Variants in FOXB1 observed in about 807,000 individuals in gnomAD.
FOXB1 encodes the protein forkhead box B1.
Under a neutral mutation model 18.6 loss-of-function variants are expected in FOXB1, and 6 were observed. The ratio of observed to expected loss-of-function variants is 0.32; its 90% CI spans 0.18 to 0.64. The LOEUF (loss-of-function observed/expected upper bound fraction) is 0.64, where lower values mean the gene tolerates loss of function less well. Among genes scored for constraint, FOXB1 ranks in the 30% least tolerant of loss-of-function variants. FOXB1 has a pLI of 0.78. For missense variants in FOXB1, 419 were observed against 463.6 expected, an observed-to-expected ratio of 0.90 and a Z score of 0.88; for synonymous variants, 213 against 216.0, an observed-to-expected ratio of 0.99 and a Z score of 0.12.
chr15:60,004,534 A>G lies in FOXB1; in HGVS notation c.-167A>G, dbSNP rs1019758772. On this transcript the variant is annotated 5_prime_UTR_variant, in exon 1 of 2. Coordinates refer to ENST00000396057, the MANE Select transcript of FOXB1 (RefSeq NM_012182.3). ...AGAGCCCAGGTTCGCGCCGAGTCCA[A>G]CCGGACCCGGACGCTGCGCGCGGAG... The G allele has an allele frequency of 6.3e-6, 1 of 159,568 alleles. No homozygotes were observed. The highest frequency in any genetic ancestry group is 2.4e-5 in the African/African-American group (1 of 41,422). 9.9% of individuals were successfully genotyped at this position (159,568 alleles called of 1,614,324 possible). A position where few individuals can be genotyped will look rare whatever the true frequency, so the allele number is the denominator to read the frequency against.
chr15:60,005,100 G>T lies in FOXB1; in HGVS notation c.137G>T (p.Arg46Leu), dbSNP rs746904498. ...LSEIYKFIMD[R>L]FPYYRENTQR... ...GAGATCTACAAGTTCATCATGGACC[G>T]CTTCCCCTACTACAGGGAGAACACG... is the stretch of plus-strand genomic sequence containing the variant. The change falls in exon 2 of 2, where the codon CGC (arginine) becomes CTC (leucine). Residue 46 changes from arginine to leucine, a missense_variant. By Grantham distance (102) the Arg-to-Leu change is moderately radical. Transcript: ENST00000396057. The surrounding 1 kb of genome is among the most constrained non-coding windows in gnomAD (Gnocchi z 9.8). 3.1e-6 allele frequency: 5 copies of T among 1,614,140 alleles called. No homozygotes were observed. In the South Asian group the frequency reaches 5.5e-5, roughly 18 times the overall value.
In FOXB1 at chr15:60,006,241, G is replaced by A. The variant is rs1380346608; in HGVS notation, c.*300G>A. The A allele has an allele frequency of 6.9e-6, 3 of 435,650 alleles. No homozygotes were observed. Among genetic ancestry groups the A allele is most frequent in the Non-Finnish European group, 1.2e-5 (3 of 248,140 alleles). 27.0% of individuals were successfully genotyped at this position (435,650 alleles called of 1,614,324 possible). A position where few individuals can be genotyped will look rare whatever the true frequency, so the allele number is the denominator to read the frequency against. The stretch of plus-strand genomic sequence containing the variant: ...CGAAACCCCCTCCTATTTGACCGGC[G>A]GGGGAAACCCTGTCACCCCCTCTTC... On this transcript the variant is annotated 3_prime_UTR_variant, in exon 2 of 2. Coordinates refer to ENST00000396057, the MANE Select transcript of FOXB1 (RefSeq NM_012182.3).
Position 60,005,530 on chromosome 15 carries a change from C to T in FOXB1, c.567C>T (p.Ser189=), listed in dbSNP as rs756007114. Residue 189 remains serine (S), a synonymous_variant, in exon 2 of 2, where the codon TCC becomes TCT. Coordinates refer to ENST00000396057, the MANE Select transcript of FOXB1 (RefSeq NM_012182.3). This position sits in a 1 kb window ranked among gnomAD's most constrained non-coding sequence, Gnocchi z 9.8. ...AGATGCCTGGGGGGCTGGCCTTCTC[C>T]GCCATGCAGCCGGTGCCCGCTGCCT... ...EYKMPGGLAF[S]AMQPVPAAYP... 6.2e-7 allele frequency: 1 copy of T among 1,610,220 alleles called. No homozygotes were observed. Among genetic ancestry groups the T allele is most frequent in the Non-Finnish European group, 8.5e-7 (1 of 1,179,014 alleles).
rs1215441739 is a variant in FOXB1 at position 60,005,703 on chromosome 15, C to T, written c.740C>T (p.Pro247Leu). 3 of 1,604,800 alleles carry T rather than the reference C, an allele frequency of 1.9e-6. No homozygotes were observed. Among genetic ancestry groups the T allele is most frequent in the Non-Finnish European group, 8.5e-7 (1 of 1,178,736 alleles). ...DYSAYGVPLKPLCHAAGQTLP... is the reference protein window; with the variant it reads ...DYSAYGVPLKLLCHAAGQTLP... Reference sequence around the variant, plus strand: ...AGCGCCTACGGCGTGCCGTTGAAGCCGCTGTGCCACGCGGCGGGCCAAACG... The same window carrying T: ...AGCGCCTACGGCGTGCCGTTGAAGCTGCTGTGCCACGCGGCGGGCCAAACG... Residue 247 changes from proline to leucine, a missense_variant, in exon 2 of 2, where the codon CCG becomes CTG. By Grantham distance (98) the Pro-to-Leu change is moderately conservative. This residue lies in a region of FOXB1 where 195 missense variants were observed against 179.8 expected (regional missense o/e 1.08). Transcript: ENST00000396057. The surrounding 1 kb of genome is among the most constrained non-coding windows in gnomAD (Gnocchi z 9.8).
intron 1 of FOXB1, 28 bp from the exon 2 acceptor site, chr15:60,004,879 C>T: frequency 3.5e-6 from 5 of 1,414,952 alleles, no homozygotes; most frequent in Non-Finnish European, 4.7e-6. Context: ...TCCATGCTAC[C>T]TTTCCCTATT....
In FOXB1 at chr15:60,005,602, C is replaced by G. The variant is rs774589936; in HGVS notation, c.639C>G (p.Thr213=). Reference sequence around the variant, plus strand: ...CTACCATGGGCAGCTCGCTGGGCACCGGCTGGCCACACGTGTATGGCTCCG... The same window carrying G: ...CTACCATGGGCAGCTCGCTGGGCACGGGCTGGCCACACGTGTATGGCTCCG... The part of the protein sequence containing the change: ...QLTTMGSSLG[T]GWPHVYGSAG... Residue 213 remains threonine (T), a synonymous_variant, in exon 2 of 2, where the codon ACC becomes ACG. Transcript: ENST00000396057. This position sits in a 1 kb window ranked among gnomAD's most constrained non-coding sequence, Gnocchi z 9.8. 88 of 1,606,162 alleles carry G rather than the reference C, an allele frequency of 5.5e-5. No individual in the cohort carries two copies. The highest frequency in any genetic ancestry group is 7.0e-5 in the Non-Finnish European group (83 of 1,177,484).
rs1322427187 is a variant in FOXB1, at chr15:60,005,485, C to G, written c.522C>G (p.Asn174Lys). 2 of 1,611,988 alleles carry G rather than the reference C, an allele frequency of 1.2e-6. No homozygotes were observed. Among genetic ancestry groups the G allele is most frequent in the Non-Finnish European group, 1.7e-6 (2 of 1,179,692 alleles). The stretch of plus-strand genomic sequence containing the variant: ...TCAAGCACCCCTTCGCCATCGAGAA[C>G]ATCATCGCGCGGGAATACAAGATGC... The part of the protein sequence containing the change: ...SGFKHPFAIE[N>K]IIAREYKMPG... Residue 174 changes from asparagine (N) to lysine (K), a missense_variant, in exon 2 of 2, where the codon AAC becomes AAG. This residue lies in a region of FOXB1 where 71 missense variants were observed against 110.0 expected (regional missense o/e 0.65). Transcript: ENST00000396057. This position sits in a 1 kb window ranked among gnomAD's most constrained non-coding sequence, Gnocchi z 9.8.
At position 60,005,709 on chromosome 15, in the gene FOXB1, G is replaced by A; in HGVS notation, c.746G>A (p.Cys249Tyr). ...TACGGCGTGCCGTTGAAGCCGCTGT[G>A]CCACGCGGCGGGCCAAACGCTGCCC... ...SAYGVPLKPL[C>Y]HAAGQTLPAI... Residue 249 changes from cysteine to tyrosine, a missense_variant, in exon 2 of 2, where the codon TGC becomes TAC. By Grantham distance (194) the Cys-to-Tyr change is radical (BLOSUM62 -2). Around this residue, in one of 3 missense-constraint regions of FOXB1, gnomAD observed 195 missense variants for 179.8 expected, o/e 1.08. Coordinates refer to ENST00000396057, the MANE Select transcript of FOXB1 (RefSeq NM_012182.3). This position sits in a 1 kb window ranked among gnomAD's most constrained non-coding sequence, Gnocchi z 9.8. 2 of 1,604,230 alleles carry A rather than the reference G, an allele frequency of 1.2e-6. No individual in the cohort carries two copies. Among genetic ancestry groups the A allele is most frequent in the African/African-American group, 2.7e-5 (2 of 74,942 alleles).
Position 60,006,212 on chromosome 15 carries a change from GCC to G in FOXB1, c.*274_*275del, listed in dbSNP as rs1453760124. The G allele has an allele frequency of 8.9e-5, 41 of 462,060 alleles. No individual in the cohort carries two copies. The East Asian group carries it at 1.3e-3, about 14-fold the overall frequency. 28.6% of individuals were successfully genotyped at this position (462,060 alleles called of 1,614,324 possible). The stretch of plus-strand genomic sequence containing the variant: ...TGAGCCGAACCATCCCCTCCCTGAG[GCC>G]CCGAAACCCCCTCCTATTTGACCGG... On this transcript the variant is annotated 3_prime_UTR_variant, in exon 2 of 2. Transcript: ENST00000396057.
rs1034086337 is a variant in FOXB1, at chr15:60,006,682, C to T, written c.*741C>T. On this transcript the variant is annotated 3_prime_UTR_variant, in exon 2 of 2. Coordinates refer to ENST00000396057, the MANE Select transcript of FOXB1 (RefSeq NM_012182.3). ...CACAGCAAAACAAAACTAAAAGTAA[C>T]CTTGTATTGTTTACAAAGCGCCCAG... 3.3e-5 allele frequency: 5 copies of T among 152,184 alleles called. No homozygotes were observed. Among genetic ancestry groups the T allele is most frequent in the African/African-American group, 1.2e-4 (5 of 41,434 alleles). 9.4% of individuals were successfully genotyped at this position (152,184 alleles called of 1,614,324 possible). A position where few individuals can be genotyped will look rare whatever the true frequency, so the allele number is the denominator to read the frequency against.
chr15:60,004,971 G>C lies in FOXB1; in HGVS notation c.8G>C (p.Arg3Pro). ...AAGAGGGCGAGGAAGAAGATGCCTC[G>C]GCCCGGCCGCAACACGTACAGCGAC... MP[R>P]PGRNTYSDQK... The change falls in exon 2 of 2, where the codon CGG becomes CCG. Residue 3 changes from arginine to proline, a missense_variant. Physicochemically the swap from Arg to Pro is moderately radical, Grantham distance 103. Coordinates refer to ENST00000396057, the MANE Select transcript of FOXB1 (RefSeq NM_012182.3). 6.2e-7 allele frequency: 1 copy of C among 1,610,650 alleles called. No homozygotes were observed. Among genetic ancestry groups the C allele is most frequent in the Non-Finnish European group, 8.5e-7 (1 of 1,177,900 alleles).
In FOXB1 at chr15:60,005,580, C is replaced by A. The variant is rs1199247778; in HGVS notation, c.617C>A (p.Thr206Asn). 19 of 1,608,632 alleles carry A rather than the reference C, an allele frequency of 1.2e-5. No homozygotes were observed. The African/African-American group carries it at 1.7e-4, about 15-fold the overall frequency. ...TACCCGCTCCCCAACCAGTTGACTA[C>A]CATGGGCAGCTCGCTGGGCACCGGC... ...AAYPLPNQLT[T>N]MGSSLGTGWP... The change falls in exon 2 of 2, where the codon ACC (threonine) becomes AAC (asparagine). Residue 206 changes from threonine (T) to asparagine (N), a missense_variant. Thr to Asn is a moderately conservative substitution (Grantham distance 65). Transcript: ENST00000396057. The surrounding 1 kb of genome is among the most constrained non-coding windows in gnomAD (Gnocchi z 9.8).
At chr15:60,004,862 C>G in intron 1 of FOXB1, 45 bp from the exon 2 acceptor site, 2 of 1,039,114 alleles carry the variant, frequency 1.9e-6, no homozygotes, top group Non-Finnish European at 2.5e-6. Flanking sequence ...GCCGGTGTCT[C>G]TGTGCATCCA....
Position 60,004,711 on chromosome 15 carries a change from C to A in FOXB1, c.-58+68C>A, listed in dbSNP as rs999879178. 7.2e-6 allele frequency: 4 copies of A among 555,614 alleles called. No homozygotes were observed. In the African/African-American group the frequency reaches 7.6e-5, roughly 11 times the overall value. 34.4% of individuals were successfully genotyped at this position (555,614 alleles called of 1,614,324 possible). On this transcript the variant is annotated intron_variant, in intron 1 of 1. Coordinates refer to ENST00000396057, the MANE Select transcript of FOXB1 (RefSeq NM_012182.3). ...CAGTACCGACTTACTTCCCGGCTAT[C>A]CTCGCGCCGTTCGCCGGCTTCCCCT...
rs768918596 is a variant in FOXB1 at position 60,005,792 on chromosome 15, C to A, written c.829C>A (p.Pro277Thr). 4 of 1,604,766 alleles carry A rather than the reference C, an allele frequency of 2.5e-6. No individual in the cohort carries two copies. Among genetic ancestry groups the A allele is most frequent in the Non-Finnish European group, 2.5e-6 (3 of 1,177,462 alleles). ...PAAVPALPALPAPIPTLLSNS... is the reference protein window; with the variant it reads ...PAAVPALPALTAPIPTLLSNS... ...CGCCGTGCCCGCGCTGCCTGCGCTG[C>A]CAGCGCCCATCCCCACCTTGCTCTC... is the stretch of plus-strand genomic sequence containing the variant. The change falls in exon 2 of 2, where the codon CCA (proline) becomes ACA (threonine). Residue 277 changes from proline to threonine, a missense_variant. Pro to Thr is a conservative substitution (Grantham distance 38). Around this residue, in one of 3 missense-constraint regions of FOXB1, gnomAD observed 195 missense variants for 179.8 expected, o/e 1.08. Transcript: ENST00000396057. The surrounding 1 kb of genome is among the most constrained non-coding windows in gnomAD (Gnocchi z 9.8).
chr15:60,005,136 A>G lies in FOXB1; in HGVS notation c.173A>G (p.Gln58Arg). Residue 58 changes from glutamine (Q) to arginine (R), a missense_variant, in exon 2 of 2, where the codon CAG (glutamine) becomes CGG (arginine). Transcript: ENST00000396057. The surrounding 1 kb of genome is among the most constrained non-coding windows in gnomAD (Gnocchi z 9.8). ...PYYRENTQRW[Q>R]NSLRHNLSFN... is the part of the protein sequence containing the mutation. ...TACAGGGAGAACACGCAGCGCTGGC[A>G]GAACAGTCTGCGCCACAACCTCTCC... 6.2e-7 allele frequency: 1 copy of G among 1,614,220 alleles called. No homozygotes were observed. The highest frequency in any genetic ancestry group is 8.5e-7 in the Non-Finnish European group (1 of 1,180,038).
chr15:60,006,478 C>G lies in FOXB1; in HGVS notation c.*537C>G, dbSNP rs1892100281. The stretch of plus-strand genomic sequence containing the variant: ...AGGAGCCACTAATCTTCCTACCCCA[C>G]TCGCCTCCGCCCATCCGGCAGGGGC... On this transcript the variant is annotated 3_prime_UTR_variant, in exon 2 of 2. Coordinates refer to ENST00000396057, the MANE Select transcript of FOXB1 (RefSeq NM_012182.3). 6.5e-6 allele frequency: 1 copy of G among 152,804 alleles called. No individual in the cohort carries two copies. The highest frequency in any genetic ancestry group is 6.5e-5 in the Admixed American group (1 of 15,304). The allele number at this position is 152,804 out of a possible 1,614,324, so 9.5% of individuals were successfully genotyped here. A position where few individuals can be genotyped will look rare whatever the true frequency, so the allele number is the denominator to read the frequency against.
chr15:60,005,273 C>A lies in FOXB1; in HGVS notation c.310C>A (p.Arg104=), dbSNP rs201739666. ...GDMFENGSFL[R]RRKRFKVLKS... is the part of the protein sequence containing the mutation. ...CATGTTCGAGAACGGCAGCTTCCTG[C>A]GGCGCCGCAAGCGCTTCAAGGTGCT... Residue 104 remains arginine, a synonymous_variant, in exon 2 of 2, where the codon CGG becomes AGG. Transcript: ENST00000396057. This position sits in a 1 kb window ranked among gnomAD's most constrained non-coding sequence, Gnocchi z 9.8. 1.2e-6 allele frequency: 2 copies of A among 1,613,676 alleles called. No homozygotes were observed. Among genetic ancestry groups the A allele is most frequent in the South Asian group, 2.2e-5 (2 of 91,066 alleles).
At position 60,005,066 on chromosome 15, in the gene FOXB1, C is replaced by T; in HGVS notation, c.103C>T (p.Pro35Ser). ...AIQSSPEKML[P>S]LSEIYKFIMD... ...CCAGAGCTCTCCCGAGAAGATGCTGCCGCTGAGCGAGATCTACAAGTTCAT... is the reference window on the plus strand; with the variant it reads ...CCAGAGCTCTCCCGAGAAGATGCTGTCGCTGAGCGAGATCTACAAGTTCAT... Residue 35 changes from proline to serine, a missense_variant, in exon 2 of 2, where the codon CCG (proline) becomes TCG (serine). This residue lies in a region of FOXB1 where 153 missense variants were observed against 173.8 expected (regional missense o/e 0.88). Coordinates refer to ENST00000396057, the MANE Select transcript of FOXB1 (RefSeq NM_012182.3). This position sits in a 1 kb window ranked among gnomAD's most constrained non-coding sequence, Gnocchi z 9.8. 2.5e-6 allele frequency: 4 copies of T among 1,607,544 alleles called. No individual in the cohort carries two copies. The highest frequency in any genetic ancestry group is 3.4e-6 in the Non-Finnish European group (4 of 1,177,582).
Sources: gnomAD v4.1 joint callset for allele counts on GRCh38, gnomAD v4.1.1 for gene constraint, gnomAD v4.1.1 regional missense constraint, Gnocchi (gnomAD v3.1) non-coding constraint, MANE v1.5 for transcripts, NCBI Gene and HGNC (gene_info 2026-07-23, HGNC 2026-07-21) for gene names.